The following PSG7 variants were observed in gnomAD, a reference collection of about 807,000 sequenced individuals.
PSG7 encodes pregnancy-specific beta-1-glycoprotein 7.
PSG7 carries 57 observed loss-of-function variants against 45.6 expected under a neutral mutation model. The ratio of observed to expected loss-of-function variants is 1.25; its 90% confidence interval spans 1.01 to 1.56. The LOEUF (loss-of-function observed/expected upper bound fraction) is 1.56, where lower values mean the gene tolerates loss of function less well. PSG7 is among the 40% of genes most tolerant of loss of function. The pLI, the probability that PSG7 is intolerant of heterozygous loss-of-function variation, is 0.00. For missense variants in PSG7, 796 were observed against 508.4 expected (o/e 1.57, Z -5.44); for synonymous variants, 298 against 194.4 (o/e 1.53, Z -4.43).
Position 42,937,027 on chromosome 19 carries a change from C to A in PSG7, c.50G>T (p.Gly17Val). 6.2e-7 allele frequency: 1 copy of A among 1,611,546 alleles called. No individual in the cohort carries two copies. The highest frequency in any genetic ancestry group is 1.3e-5 in the African/African-American group (1 of 74,770). The change falls in exon 1 of 6, where the codon GGG (glycine) becomes GTG (valine). Residue 17 changes from glycine to valine, a missense_variant. Physicochemically the swap from Gly to Val is moderately radical, Grantham distance 109. Transcript: ENST00000406070. Reference sequence around the variant, plus strand: ...TCTCTCCTCACCTGTGAGCAGGAGCCCTTTCCAGGTTATATGCTGTGTGCA... The same window carrying A: ...TCTCTCCTCACCTGTGAGCAGGAGCACTTTCCAGGTTATATGCTGTGTGCA... ...PPCTQHITWK[G>V]LLLTASLLNF...
intron 2 of PSG7, among the ~76,000 whole-genome samples, chr19:42,930,594 G>A (rs1339633734): frequency 1.3e-5 from 2 of 151,758 alleles, no homozygotes; most frequent in South Asian, 2.1e-4. Flanking sequence ...GGTCCTCATG[G>A]ACCATATGTG....
chr19:42,927,124 G>A (rs183267369), intron 3 of PSG7: 16 of 241,778 alleles, frequency 6.6e-5, no homozygotes, highest in Admixed American at 5.5e-4. Context: ...TGATTTCTCT[G>A]CAACTTCCAT....
intron 4 of PSG7, 189 bp downstream of exon 4, chr19:42,926,249 A>T: frequency 1.4e-6 from 2 of 1,396,184 alleles, no homozygotes; most frequent in Non-Finnish European, 1.9e-6. Flanking sequence ...CACTCCCCTT[A>T]TATTCTTGGT....
At chr19:42,935,339 CTG>C in intron 2 of PSG7, 63 bp downstream of exon 2, 1 of 1,598,540 alleles carries the variant, frequency 6.3e-7, no homozygotes, top group Non-Finnish European at 8.6e-7. Flanking sequence ...CCTGACAATT[CTG>C]TGTGTGTGAA....
intron 2 of PSG7, 75 bp downstream of exon 2, chr19:42,935,329 C>T (rs1339956141): frequency 6.4e-7 from 1 of 1,555,568 alleles, no homozygotes; most frequent in Non-Finnish European, 8.8e-7. Context: ...ACAGTCCAGG[C>T]CTGACAATTC....
intron 2 of PSG7, among the ~76,000 whole-genome samples, chr19:42,933,292 TA>T (rs1568459528): frequency 0.018 from 237 of 13,396 alleles, 22 homozygotes; most frequent in African/African-American, 0.035. Flanking sequence ...TATATATATA[TA>T]TATATATATA....
intron 2 of PSG7, 80 bp downstream of exon 2, chr19:42,935,324 C>G (rs1973122362): frequency 3.9e-6 from 6 of 1,551,098 alleles, no homozygotes; most frequent in Non-Finnish European, 5.3e-6. Context: ...CAGGCACAGT[C>G]CAGGCCTGAC....
At chr19:42,927,362 A>T (rs1160771070) in intron 3 of PSG7, 1 of 157,034 alleles carries the variant, frequency 6.4e-6, no homozygotes, top group Admixed American at 5.9e-5. Context: ...ACCTCTAAAG[A>T]TAGAGCAGAG....
Position 42,924,777 on chromosome 19 carries a change from G to A in PSG7, c.*31C>T, listed in dbSNP as rs1403765039. The A allele has an allele frequency of 7.8e-6, 6 of 767,500 alleles. No homozygotes were observed. The highest frequency in any genetic ancestry group is 1.4e-5 in the Non-Finnish European group (6 of 417,422). 47.5% of individuals were successfully genotyped at this position (767,500 alleles called of 1,614,324 possible). ...GGTCTTGCTCTTTGAGGTTCCATGG[G>A]AGAAGATGGAATTGGAGGAACTAGT... On this transcript the variant is annotated 3_prime_UTR_variant, in exon 6 of 6. Coordinates refer to ENST00000406070, the MANE Select transcript of PSG7 (RefSeq NM_002783.3).
At position 42,935,786 on chromosome 19, in the gene PSG7, G is replaced by A. The variant is rs143783126; in HGVS notation, c.65-17C>T. On this transcript the variant is annotated splice_polypyrimidine_tract_variant and intron_variant, in intron 1 of 5. Coordinates refer to ENST00000406070, the MANE Select transcript of PSG7 (RefSeq NM_002783.3). ...AAAGTGATGCTAGGAGGTGGAGAGA[G>A]CATCAGTCAATATTGAGACCTATGT... 4.7e-5 allele frequency: 75 copies of A among 1,601,384 alleles called. 1 individual carries two copies. In the East Asian group the frequency reaches 1.3e-3, roughly 27 times the overall value.
Position 42,935,543 on chromosome 19 carries a change from T to A in PSG7, c.291A>T (p.Gly97=), listed in dbSNP as rs782492324. The change falls in exon 2 of 6, where the codon GGA becomes GGT. Residue 97 remains glycine, a synonymous_variant. Transcript: ENST00000406070. ...ATGCATTGGAATATACTGTTTCTCG[T>A]CCACTGTATGCAGGCCCATATTTAA... ...QIIKYGPAYS[G]RETVYSNASL... is the part of the protein sequence containing the mutation. The A allele has an allele frequency of 6.5e-5, 104 of 1,612,034 alleles. 2 individuals are homozygous for A. The highest frequency in any genetic ancestry group is 4.5e-5 in the East Asian group (2 of 44,794).
At chr19:42,925,139 A>T (rs1331723576) in intron 5 of PSG7, 2 of 419,966 alleles carry the variant, frequency 4.8e-6, no homozygotes, top group Non-Finnish European at 8.5e-6. Context: ...AGCCAAACCA[A>T]GGCTGACTTC....
intron 2 of PSG7, among the ~76,000 whole-genome samples, chr19:42,934,748 C>T (rs933437645): frequency 4.6e-5 from 7 of 151,634 alleles, no homozygotes; most frequent in African/African-American, 1.7e-4. Context: ...ATGGAGTGTC[C>T]TAGGCCTCCT....
intron 2 of PSG7, among the ~76,000 whole-genome samples, chr19:42,932,857 G>T (rs1040610824): frequency 6.6e-6 from 1 of 151,378 alleles, no homozygotes; most frequent in African/African-American, 2.4e-5. Context: ...ATCCCTGACT[G>T]CTCCAGTGTC....
At chr19:42,925,137 C>G (rs1972496989) in intron 5 of PSG7, 4 of 422,386 alleles carry the variant, frequency 9.5e-6, no homozygotes, top group African/African-American at 8.0e-5. Context: ...GAAGCCAAAC[C>G]AAGGCTGACT....
In PSG7 at chr19:42,930,822, G is replaced by A. The variant is rs544656250; in HGVS notation, c.431-1102C>T. Among the ~76,000 whole-genome samples, 65 of 151,428 alleles carry A rather than the reference G, an allele frequency of 4.3e-4. 3 individuals carry two copies. The highest frequency in any genetic ancestry group is 2.4e-3 in the Admixed American group (37 of 15,158). ...GTGGTTTCAGTTATGCAGGATGAGGGGGTTCTAGAGATCTCCTGTACAGCC... is the reference window on the plus strand; with the variant it reads ...GTGGTTTCAGTTATGCAGGATGAGGAGGTTCTAGAGATCTCCTGTACAGCC... On this transcript the variant is annotated intron_variant, in intron 2 of 5. Coordinates refer to ENST00000406070, the MANE Select transcript of PSG7 (RefSeq NM_002783.3).
In PSG7 at chr19:42,926,706, G is replaced by A. The variant is rs1260280424; in HGVS notation, c.720C>T (p.Pro240=). The change falls in exon 4 of 6, where the codon CCC becomes CCT. Residue 240 remains proline (P), a synonymous_variant. Transcript: ENST00000406070. Reference sequence around the variant, plus strand: ...AGTTATTGATGGTGATGTAGGGCTTGGGCAGCTTCGCTGTGTGAATAACAG... The same window carrying A: ...AGTTATTGATGGTGATGTAGGGCTTAGGCAGCTTCGCTGTGTGAATAACAG... ...PVTLNLLPKL[P]KPYITINNLN... is the part of the protein sequence containing the mutation. The A allele has an allele frequency of 1.3e-5, 21 of 1,610,330 alleles. No individual in the cohort carries two copies. Among genetic ancestry groups the A allele is most frequent in the Non-Finnish European group, 1.8e-5 (21 of 1,178,932 alleles).
In PSG7 at chr19:42,935,197, T is replaced by C. The variant is rs1973118925; in HGVS notation, c.430+207A>G. On this transcript the variant is annotated intron_variant, in intron 2 of 5. Coordinates refer to ENST00000406070, the MANE Select transcript of PSG7 (RefSeq NM_002783.3). ...CAGACTGTCCTTCCTCTGCAGCAAG[T>C]TTCTGCAGGGTCTGGATGTGAGAAA... is the stretch of plus-strand genomic sequence containing the variant. Among the ~76,000 whole-genome samples the C allele has an allele frequency of 2.0e-5, 3 of 151,856 alleles. 1 individual carries two copies. The South Asian group carries it at 6.3e-4, about 32-fold the overall frequency.
chr19:42,930,922 T>A (rs1451581298), intron 2 of PSG7, among the ~76,000 whole-genome samples: 1 of 151,674 alleles, frequency 6.6e-6, no homozygotes, highest in South Asian at 2.1e-4. Flanking sequence ...AATTTCTAAT[T>A]TTTTTATTTT....
Sources: gnomAD v4.1 joint callset for allele counts (sites outside exome capture counted in the v4.1 genomes callset) on GRCh38, gnomAD v4.1.1 for gene constraint, MANE v1.5 for transcripts, NCBI Gene and HGNC (gene_info 2026-07-23, HGNC 2026-07-21) for gene names.